STAT5A: variants seen among roughly 807,000 people sequenced by gnomAD.
STAT5A encodes epididymis secretory sperm binding protein.
In STAT5A, 26 loss-of-function variants were observed where a neutral mutation model predicts 100.2. The ratio of observed to expected loss-of-function variants is 0.26; its 90% CI spans 0.19 to 0.36. The LOEUF is 0.36. STAT5A is among the 10% of genes least tolerant of loss of function. STAT5A has a pLI of 1.00. For synonymous variants in STAT5A, 330 were observed against 424.3 expected (o/e 0.78, Z 2.73); for missense variants, 634 against 1,027.5 (o/e 0.62, Z 5.24).
At chr17:42,294,214 T>TAAA (rs57901917) in intron 4 of STAT5A, among the ~76,000 whole-genome samples, 1 of 141,866 alleles carries the variant, frequency 7.0e-6, no homozygotes, top group African/African-American at 2.6e-5. Context: ...AGACTCTGTA[T>TAAA]AAAAAAAAAA....
chr17:42,292,015 G>T lies in STAT5A; in HGVS notation c.329G>T (p.Arg110Leu). ...RCPLELVRCI[R>L]HILYNEQRLV... ...CCCCTGGAGCTGGTCCGCTGCATCC[G>T]GCACATTCTGTACAATGAACAGAGG... Residue 110 changes from arginine (R) to leucine (L), a missense_variant, in exon 4 of 19, where the codon CGG becomes CTG. Physicochemically the swap from Arg to Leu is moderately radical, Grantham distance 102 (BLOSUM62 -2). This residue lies in a region of STAT5A where 207 missense variants were observed against 256.6 expected (regional missense o/e 0.81). Coordinates refer to ENST00000590949, the MANE Select transcript of STAT5A (RefSeq NM_001288718.2). 1 of 1,613,974 alleles carries T rather than the reference G, an allele frequency of 6.2e-7. No individual in the cohort carries two copies. Among genetic ancestry groups the T allele is most frequent in the Non-Finnish European group, 8.5e-7 (1 of 1,179,910 alleles).
rs149463408 is a variant in STAT5A at position 42,304,286 on chromosome 17, G to A, written c.1170-56G>A. 1,168 of 1,573,166 alleles carry A rather than the reference G, an allele frequency of 7.4e-4. 11 individuals are homozygous for A. In the African/African-American group the frequency reaches 9.3e-3, roughly 12 times the overall value. On this transcript the variant is annotated intron_variant, in intron 9 of 18. Coordinates refer to ENST00000590949, the MANE Select transcript of STAT5A (RefSeq NM_001288718.2). The surrounding 1 kb of genome is among the most constrained non-coding windows in gnomAD (Gnocchi z 4.8). ...AGACCCCAGCCCGAGGTGTGGACAGGACCATGCTCCTGGCCTGGGGCCCAT... is the reference window on the plus strand; with the variant it reads ...AGACCCCAGCCCGAGGTGTGGACAGAACCATGCTCCTGGCCTGGGGCCCAT...
At position 42,307,516 on chromosome 17, in the gene STAT5A, G is replaced by A. The variant is rs777693934; in HGVS notation, c.1775+20G>A. The A allele has an allele frequency of 1.2e-6, 2 of 1,614,104 alleles. No homozygotes were observed. The highest frequency in any genetic ancestry group is 8.5e-7 in the Non-Finnish European group (1 of 1,180,012). ...TGATGGGTAAGGAACGGGGGCTGCA[G>A]GGTCAGGGGCCAGCTGTGGGCGCAG... On this transcript the variant is annotated intron_variant, in intron 14 of 18. Transcript: ENST00000590949.
At position 42,288,998 on chromosome 17, in the gene STAT5A, G is replaced by T. The variant is rs2080841479; in HGVS notation, c.-11+400G>T. On this transcript the variant is annotated intron_variant, in intron 1 of 18. Coordinates refer to ENST00000590949, the MANE Select transcript of STAT5A (RefSeq NM_001288718.2). The surrounding 1 kb of genome is among the most constrained non-coding windows in gnomAD (Gnocchi z 4.8). Reference sequence around the variant, plus strand: ...CGTCGTGGCGCTGGCCTAACTTCGGGTTGGAATATCTCCCCTTCCCAGAAA... The same window carrying T: ...CGTCGTGGCGCTGGCCTAACTTCGGTTTGGAATATCTCCCCTTCCCAGAAA... Among the ~76,000 whole-genome samples, 3 of 152,370 alleles carry T rather than the reference G, an allele frequency of 2.0e-5. No individual in the cohort carries two copies. In the South Asian group the frequency reaches 6.2e-4, roughly 32 times the overall value.
chr17:42,293,081 A>T (rs1365326252), intron 4 of STAT5A, among the ~76,000 whole-genome samples: 5 of 152,248 alleles, frequency 3.3e-5, no homozygotes, highest in Non-Finnish European at 1.5e-5. Flanking sequence ...ATCTACATGG[A>T]CAATGGCACA....
At chr17:42,292,848 T>C (rs867828120) in intron 4 of STAT5A, among the ~76,000 whole-genome samples, 2 of 150,384 alleles carry the variant, frequency 1.3e-5, no homozygotes, top group Admixed American at 6.6e-5. Context: ...CAGGCTGGTC[T>C]TGAACTCCTG....
At position 42,304,202 on chromosome 17, in the gene STAT5A, C is replaced by T. The variant is rs1373967814; in HGVS notation, c.1170-140C>T. 5 of 760,842 alleles carry T rather than the reference C, an allele frequency of 6.6e-6. No individual in the cohort carries two copies. Among genetic ancestry groups the T allele is most frequent in the East Asian group, 5.4e-5 (2 of 37,008 alleles). The allele number at this position is 760,842 out of a possible 1,614,324, so 47.1% of individuals were successfully genotyped here. On this transcript the variant is annotated intron_variant, in intron 9 of 18. Coordinates refer to ENST00000590949, the MANE Select transcript of STAT5A (RefSeq NM_001288718.2). This position sits in a 1 kb window ranked among gnomAD's most constrained non-coding sequence, Gnocchi z 4.8. The stretch of plus-strand genomic sequence containing the variant: ...GAGAAGTCAGTAACCCAGAAAGACG[C>T]CAAGAAACACTCTTAGGGGATACGG...
intron 8 of STAT5A, 112 bp downstream of exon 8, chr17:42,300,982 C>T (rs1272108963): frequency 6.4e-7 from 1 of 1,562,360 alleles, no homozygotes; most frequent in Non-Finnish European, 8.7e-7. Context: ...TCTCATCCCT[C>T]CCAACTCCAT....
intron 13 of STAT5A, 88 bp downstream of exon 13, chr17:42,306,535 G>C (rs1329494109): frequency 1.3e-6 from 2 of 1,542,130 alleles, no homozygotes; most frequent in African/African-American, 1.4e-5. Context: ...CCTGGGGCTA[G>C]CACCCCACTC....
rs529193847 is a variant in STAT5A, at chr17:42,307,830, G to A, written c.1906+107G>A. The A allele has an allele frequency of 7.2e-5, 107 of 1,483,532 alleles. No homozygotes were observed. In the South Asian group the frequency reaches 1.1e-3, roughly 15 times the overall value. The allele number at this position is 1,483,532 out of a possible 1,614,324, so 91.9% of individuals were successfully genotyped here. A position where few individuals can be genotyped will look rare whatever the true frequency, so the allele number is the denominator to read the frequency against. On this transcript the variant is annotated intron_variant, in intron 15 of 18. Coordinates refer to ENST00000590949, the MANE Select transcript of STAT5A (RefSeq NM_001288718.2). Reference sequence around the variant, plus strand: ...CCTGTGTCCTTAGAAGGTACCCAGCGGGAAGCTTAGTATGAGAGGGCTGTG... The same window carrying A: ...CCTGTGTCCTTAGAAGGTACCCAGCAGGAAGCTTAGTATGAGAGGGCTGTG...
intron 4 of STAT5A, 128 bp from the exon 5 acceptor site, chr17:42,295,491 C>G: frequency 1.1e-6 from 1 of 932,660 alleles, no homozygotes. Flanking sequence ...TTCCTTCTTG[C>G]CCTAGTTTCC....
intron 7 of STAT5A, 118 bp from the exon 8 acceptor site, chr17:42,300,597 G>T: frequency 4.5e-6 from 4 of 895,250 alleles, no homozygotes; most frequent in Admixed American, 2.5e-5. Flanking sequence ...TCTTCCCATG[G>T]GTGGGAAGTG....
rs1409961144 is a variant in STAT5A, at chr17:42,304,325, C to A, written c.1170-17C>A. The A allele has an allele frequency of 2.5e-6, 4 of 1,613,246 alleles. No individual in the cohort carries two copies. In the Admixed American group the frequency reaches 6.7e-5, roughly 27 times the overall value. Reference sequence around the variant, plus strand: ...CCTGGGGCCCATGTGGAGCTGGGACCCCCCTCTCCTTTGCAGCGAGTGCAG... The same window carrying A: ...CCTGGGGCCCATGTGGAGCTGGGACACCCCTCTCCTTTGCAGCGAGTGCAG... On this transcript the variant is annotated splice_polypyrimidine_tract_variant and intron_variant, in intron 9 of 18. Coordinates refer to ENST00000590949, the MANE Select transcript of STAT5A (RefSeq NM_001288718.2). The surrounding 1 kb of genome is among the most constrained non-coding windows in gnomAD (Gnocchi z 4.8).
intron 15 of STAT5A, 103 bp downstream of exon 15, chr17:42,307,826 C>T: frequency 6.0e-6 from 9 of 1,496,636 alleles, no homozygotes; most frequent in Non-Finnish European, 7.2e-6. Flanking sequence ...AGAAGGTACC[C>T]AGCGGGAAGC....
Position 42,294,759 on chromosome 17 carries a change from G to A in STAT5A, c.376-860G>A, listed in dbSNP as rs112233277. Among the ~76,000 whole-genome samples, 239 of 152,326 alleles carry A rather than the reference G, an allele frequency of 1.6e-3. 1 individual carries two copies. The highest frequency in any genetic ancestry group is 4.9e-3 in the African/African-American group (205 of 41,568). ...CCCAGCGAGCTGGGGTTGGAGGTAGGCAGGGCTATGGCCAGCAGACACCAT... is the reference window on the plus strand; with the variant it reads ...CCCAGCGAGCTGGGGTTGGAGGTAGACAGGGCTATGGCCAGCAGACACCAT... On this transcript the variant is annotated intron_variant, in intron 4 of 18. Coordinates refer to ENST00000590949, the MANE Select transcript of STAT5A (RefSeq NM_001288718.2).
intron 4 of STAT5A, among the ~76,000 whole-genome samples, chr17:42,292,352 G>C (rs1279970623): frequency 6.6e-6 from 1 of 150,910 alleles, no homozygotes; most frequent in Non-Finnish European, 1.5e-5. Flanking sequence ...TTTTTGAGAC[G>C]GATTCTTGCT....
intron 9 of STAT5A, among the ~76,000 whole-genome samples, chr17:42,303,856 G>A (rs2081003573): frequency 6.6e-6 from 1 of 152,186 alleles, no homozygotes; most frequent in Admixed American, 6.5e-5. Flanking sequence ...ACCTGAAGGA[G>A]GAGAAGGCTA....
In STAT5A at chr17:42,308,890, C is replaced by T. The variant is rs1184226910; in HGVS notation, c.2063-157C>T. ...GTCTCAGTGACCCTCAGGCAGGATT[C>T]ATCAGCTGGTGTTTATTGGGGGTCC... On this transcript the variant is annotated intron_variant, in intron 16 of 18. Transcript: ENST00000590949. The surrounding 1 kb of genome is among the most constrained non-coding windows in gnomAD (Gnocchi z 4.6). The T allele has an allele frequency of 9.2e-6, 8 of 872,066 alleles. No homozygotes were observed. The Admixed American group carries it at 1.1e-4, about 12-fold the overall frequency. The allele number at this position is 872,066 out of a possible 1,614,324, so 54.0% of individuals were successfully genotyped here. A position where few individuals can be genotyped will look rare whatever the true frequency, so the allele number is the denominator to read the frequency against.
At chr17:42,289,250 C>T in intron 1 of STAT5A, 152 bp from the exon 2 acceptor site, 1 of 857,186 alleles carries the variant, frequency 1.2e-6, no homozygotes, top group South Asian at 2.1e-5. Flanking sequence ...CACTCCTCAC[C>T]ATCTCTGTTC....
Sources: allele counts gnomAD v4.1 joint callset (sites outside exome capture counted in the v4.1 genomes callset), GRCh38; gene constraint gnomAD v4.1.1; regional missense constraint gnomAD v4.1.1; non-coding constraint Gnocchi (gnomAD v3.1); transcripts MANE v1.5; gene names NCBI Gene and HGNC (gene_info 2026-07-23, HGNC 2026-07-21).